The following MAP3K15 variants were observed in gnomAD, a reference collection of about 807,000 sequenced individuals.
The protein encoded by MAP3K15 is MAPK/ERK kinase kinase 15.
MAP3K15 carries 124 observed loss-of-function variants against 99.5 expected under a neutral mutation model. The observed-to-expected ratio is 1.25, with a 90% CI of 1.08 to 1.45. The LOEUF is 1.45. MAP3K15 is among the 40% of genes most tolerant of loss of function. The pLI, the probability that MAP3K15 is intolerant of heterozygous loss-of-function variation, is 0.00. For missense variants in MAP3K15, 1,242 were observed against 1,079.7 expected, an observed-to-expected ratio of 1.15 and a Z score of -2.11; for synonymous variants, 494 against 439.6, an observed-to-expected ratio of 1.12 and a Z score of -1.55.
chrX:19,413,777 G>T (rs1236122051), intron 10 of MAP3K15, among the ~76,000 whole-genome samples: 1 of 105,746 alleles, frequency 9.5e-6, no homozygotes, highest in African/African-American at 3.5e-5. Flanking sequence ...GGGGAGAGAG[G>T]GAGAAGAGGG....
Position 19,362,857 on chromosome X carries a change from TAAAAA to T in MAP3K15, c.3567-12_3567-8del, listed in dbSNP as rs34487219. The stretch of plus-strand genomic sequence containing the variant: ...AACTAGGTGTTCCAAAAGTCTGGTT[TAAAAA>T]AAAAAAAAAAAAGCCATTATCCAGA... On this transcript the variant is annotated splice_region_variant and splice_polypyrimidine_tract_variant and intron_variant, in intron 25 of 28. Transcript: ENST00000338883. 1.4e-3 allele frequency: 1,111 copies of T among 784,278 alleles called. 7 individuals carry two copies. The African/African-American group carries it at 0.024, about 17-fold the overall frequency. The allele number at this position is 784,278 out of a possible 1,213,427, so 64.6% of individuals were successfully genotyped here.
intron 7 of MAP3K15, 82 bp from the exon 8 acceptor site, chrX:19,426,425 A>G (rs758851687): frequency 4.2e-5 from 24 of 574,653 alleles, no homozygotes; most frequent in Non-Finnish European, 4.9e-5. Context: ...TTTCTCATGA[A>G]AAGTTTTCTT....
In MAP3K15 at chrX:19,515,098, C is replaced by T; in HGVS notation, c.164G>A (p.Gly55Asp). ...TGCCCGCAGAGCCCGCCGCGGCCCGCCCCCACTCTCGCCCTCGCCGCTGCC... is the reference window on the plus strand; with the variant it reads ...TGCCCGCAGAGCCCGCCGCGGCCCGTCCCCACTCTCGCCCTCGCCGCTGCC... ...AGGSGEGESG[G>D]GPRRALRAVY... The change falls in exon 1 of 29, where the codon GGC becomes GAC. Residue 55 changes from glycine (G) to aspartate (D), a missense_variant. Physicochemically the swap from Gly to Asp is moderately conservative, Grantham distance 94 (BLOSUM62 -1). Transcript: ENST00000338883. 1.2e-6 allele frequency: 1 copy of T among 860,557 alleles called. No homozygotes were observed. The highest frequency in any genetic ancestry group is 2.2e-5 in the African/African-American group (1 of 46,009). The allele number at this position is 860,557 out of a possible 1,213,427, so 70.9% of individuals were successfully genotyped here.
At chrX:19,382,244 C>CAAAAA (rs1047109372) in intron 18 of MAP3K15, among the ~76,000 whole-genome samples, 2 of 31,545 alleles carry the variant, frequency 6.3e-5, no homozygotes, top group African/African-American at 2.2e-4. Context: ...ACTCAGTCTC[C>CAAAAA]AAAAAAAAAA....
chrX:19,436,473 G>A (rs1473552405), intron 6 of MAP3K15, among the ~76,000 whole-genome samples: 3 of 110,888 alleles, frequency 2.7e-5, no homozygotes, highest in African/African-American at 9.8e-5. Context: ...CAGTACCCTT[G>A]GACATTTCAT....
At chrX:19,375,757 G>A (rs144650249) in intron 19 of MAP3K15, among the ~76,000 whole-genome samples, 1,183 of 112,379 alleles carry the variant, frequency 0.011, 17 homozygotes, top group African/African-American at 0.037. Context: ...AGTGTAGAGG[G>A]CCAGGCCTCC....
chrX:19,424,819 T>TG (rs945525599), intron 9 of MAP3K15, among the ~76,000 whole-genome samples: 1 of 108,020 alleles, frequency 9.3e-6, no homozygotes, highest in African/African-American at 3.4e-5. Context: ...GCTATTTTTT[T>TG]TTTTTTTTGT....
rs971762138 is a variant in MAP3K15, at chrX:19,409,930, C to T, written c.1742G>A (p.Gly581Glu). The T allele has an allele frequency of 1.8e-5, 22 of 1,196,143 alleles. No individual in the cohort carries two copies. The highest frequency in any genetic ancestry group is 2.5e-5 in the Non-Finnish European group (22 of 883,284). The change falls in exon 12 of 29, where the codon GGA (glycine) becomes GAA (glutamate). Residue 581 changes from glycine (G) to glutamate (E), a missense_variant. Physicochemically the swap from Gly to Glu is moderately conservative, Grantham distance 98. Transcript: ENST00000338883. The stretch of plus-strand genomic sequence containing the variant: ...TTTTCTCCTATGTTCTTACCTTATT[C>T]CCTTTATGGAAGAGGCTGTAAAATT... ...EWNFTASSIK[G>E]ISLSKFDERC...
At chrX:19,478,847 T>C (rs1381464757) in intron 3 of MAP3K15, among the ~76,000 whole-genome samples, 3 of 110,432 alleles carry the variant, frequency 2.7e-5, no homozygotes, top group Non-Finnish European at 5.7e-5. Flanking sequence ...CTTTAGGACA[T>C]GACAAATGAA....
At chrX:19,440,138 C>T (rs150312335) in intron 6 of MAP3K15, among the ~76,000 whole-genome samples, 1,239 of 111,848 alleles carry the variant, frequency 0.011, 16 homozygotes, top group African/African-American at 0.039. Flanking sequence ...GATCCTGGCA[C>T]CTGGGCTCTG....
intron 18 of MAP3K15, among the ~76,000 whole-genome samples, chrX:19,381,670 C>T (rs2063459019): frequency 1.8e-5 from 2 of 112,339 alleles, no homozygotes; most frequent in Admixed American, 1.9e-4. Context: ...CAGTGGCAAG[C>T]AGGGTGGGCC....
chrX:19,480,598 T>G (rs1199610516), intron 3 of MAP3K15, among the ~76,000 whole-genome samples: 2 of 102,309 alleles, frequency 2.0e-5, no homozygotes, highest in African/African-American at 7.2e-5. Flanking sequence ...GTGGATCACC[T>G]GAGGTCAGGA....
Position 19,361,523 on chromosome X carries a change from C to T in MAP3K15, c.3750G>A (p.Leu1250=), listed in dbSNP as rs1602237492. The change falls in exon 27 of 29, where the codon CTG becomes CTA. Residue 1250 remains leucine (L), a synonymous_variant. Coordinates refer to ENST00000338883, the MANE Select transcript of MAP3K15 (RefSeq NM_001001671.4). ...CAATTGTCTTTGCATCAGCTCCTTG[C>T]AGCCGCAACCAGTCTATAAGCTCTT... The part of the protein sequence containing the change: ...TDKELIDWLR[L]QGADAKTIEK... 8.3e-7 allele frequency: 1 copy of T among 1,211,173 alleles called. No individual in the cohort carries two copies. Among genetic ancestry groups the T allele is most frequent in the Non-Finnish European group, 1.1e-6 (1 of 894,800 alleles).
intron 3 of MAP3K15, among the ~76,000 whole-genome samples, chrX:19,471,507 C>A (rs1164458356): frequency 3.6e-5 from 4 of 111,098 alleles, no homozygotes; most frequent in Non-Finnish European, 7.5e-5. Context: ...GGTGATCCAC[C>A]CACCTCGGTC....
intron 5 of MAP3K15, 140 bp from the exon 6 acceptor site, chrX:19,457,159 G>C (rs1412166691): frequency 4.0e-5 from 17 of 421,365 alleles, no homozygotes; most frequent in Non-Finnish European, 2.9e-5. Flanking sequence ...GAAGTTACTT[G>C]TAGCCTTTAA....
intron 9 of MAP3K15, among the ~76,000 whole-genome samples, chrX:19,423,331 A>T (rs1432925561): frequency 3.0e-5 from 1 of 33,769 alleles, no homozygotes; most frequent in African/African-American, 1.1e-4. Context: ...CTCCCATCCC[A>T]CCCCCTCCCT....
chrX:19,499,081 A>G (rs1397738629), intron 1 of MAP3K15, among the ~76,000 whole-genome samples: 1 of 112,135 alleles, frequency 8.9e-6, no homozygotes, highest in East Asian at 2.8e-4. Context: ...TAATTCAATA[A>G]TAAGATGACA....
At chrX:19,372,356 T>C (rs886108943) in intron 22 of MAP3K15, among the ~76,000 whole-genome samples, 15 of 111,079 alleles carry the variant, frequency 1.4e-4, no homozygotes, top group African/African-American at 4.9e-4. Context: ...CCAGAGAAGG[T>C]GCTTCGGGCT....
chrX:19,425,068 C>G (rs1435650796), intron 9 of MAP3K15, among the ~76,000 whole-genome samples: 2 of 111,632 alleles, frequency 1.8e-5, no homozygotes, highest in African/African-American at 6.5e-5. Context: ...CACACTTCCA[C>G]ATCTCCAAAC....
Sources: gnomAD v4.1 joint callset for allele counts (sites outside exome capture counted in the v4.1 genomes callset) on GRCh38, gnomAD v4.1.1 for gene constraint, MANE v1.5 for transcripts, NCBI Gene and HGNC (gene_info 2026-07-23, HGNC 2026-07-21) for gene names.